The following NRDC variants were observed in gnomAD, a reference collection of about 807,000 sequenced individuals.
The protein encoded by NRDC is nardilysin.
In NRDC, 54 loss-of-function variants were observed where a neutral mutation model predicts 147.1. The ratio of observed to expected loss-of-function variants is 0.37; its 90% confidence interval spans 0.29 to 0.46. NRDC has a LOEUF of 0.46. Ranked by LOEUF, NRDC falls within the 20% of genes least tolerant of loss-of-function variation. The pLI, the probability that NRDC is intolerant of heterozygous loss-of-function variation, is 1.00. For synonymous variants in NRDC, 440 were observed against 482.1 expected (o/e 0.91, Z 1.14); for missense variants, 1,082 against 1,370.6 (o/e 0.79, Z 3.33).
chr1:51,846,071 G>A (rs926383712), intron 1 of NRDC, among the ~76,000 whole-genome samples: 1 of 151,664 alleles, frequency 6.6e-6, no homozygotes, highest in Non-Finnish European at 1.5e-5. Flanking sequence ...ATATATCTGG[G>A]GAAAGGAGAA....
chr1:51,806,598 G>A (rs1404627571), intron 18 of NRDC, among the ~76,000 whole-genome samples, 196 bp downstream of exon 18: 1 of 152,128 alleles, frequency 6.6e-6, no homozygotes, highest in Non-Finnish European at 1.5e-5. Flanking sequence ...CAGCAAAGTG[G>A]AGAAATATTT....
intron 1 of NRDC, among the ~76,000 whole-genome samples, chr1:51,860,951 C>CT (rs528761936): frequency 0.023 from 3,195 of 139,430 alleles, 76 homozygotes; most frequent in East Asian, 0.099. Context: ...GGTATTACTT[C>CT]TTTTTTTTTT....
intron 8 of NRDC, among the ~76,000 whole-genome samples, chr1:51,821,246 G>A (rs573390013): frequency 6.6e-6 from 1 of 151,932 alleles, no homozygotes; most frequent in African/African-American, 2.4e-5. Flanking sequence ...TGTAAAAGGA[G>A]GCATAAATTT....
intron 1 of NRDC, among the ~76,000 whole-genome samples, chr1:51,876,033 A>G (rs552880411): frequency 9.8e-5 from 15 of 152,342 alleles, no homozygotes; most frequent in African/African-American, 3.6e-4. Flanking sequence ...GTAGGACTTA[A>G]CAGGTATTTA....
chr1:51,802,079 G>A lies in NRDC; in HGVS notation c.2314-1396C>T, dbSNP rs116991175. 2.5e-3 allele frequency among the ~76,000 whole-genome samples: 380 copies of A among 152,218 alleles called. 7 individuals carry two copies. In the East Asian group the frequency reaches 0.058, roughly 23 times the overall value. On this transcript the variant is annotated intron_variant, in intron 20 of 30. Transcript: ENST00000352171. ...TGGGATTACAGGCGTGAGCCACCGC[G>A]CCAGGCTGAGGTTTTTATACTTAAT...
chr1:51,844,821 G>GGAAA (rs1681463918), intron 1 of NRDC, among the ~76,000 whole-genome samples: 1 of 814 alleles, frequency 1.2e-3, no homozygotes, highest in African/African-American at 2.9e-3. Context: ...GAGGAAAGAA[G>GGAAA]GAAGGAAGGA....
chr1:51,846,684 A>G (rs1288381365), intron 1 of NRDC, among the ~76,000 whole-genome samples: 1 of 152,244 alleles, frequency 6.6e-6, no homozygotes, highest in Non-Finnish European at 1.5e-5. Flanking sequence ...GAGAACCCAA[A>G]AAGTGAACAC....
At chr1:51,866,833 C>T (rs370499281) in intron 1 of NRDC, among the ~76,000 whole-genome samples, 6 of 151,652 alleles carry the variant, frequency 4.0e-5, no homozygotes, top group Admixed American at 1.3e-4. Context: ...AGAACTAGTA[C>T]GGTATATACA....
chr1:51,865,604 A>G (rs1247576403), intron 1 of NRDC, among the ~76,000 whole-genome samples: 1 of 152,156 alleles, frequency 6.6e-6, no homozygotes, highest in Non-Finnish European at 1.5e-5. Flanking sequence ...CGCCCAGCCT[A>G]AAAAGATTTT....
chr1:51,872,212 G>T (rs759523669), intron 1 of NRDC, among the ~76,000 whole-genome samples: 3 of 152,162 alleles, frequency 2.0e-5, no homozygotes, highest in Non-Finnish European at 4.4e-5. Flanking sequence ...GTTTTTTTGA[G>T]ACAGAGGCAG....
At chr1:51,819,951 G>A in intron 8 of NRDC, 78 bp from the exon 9 acceptor site, 2 of 1,066,960 alleles carry the variant, frequency 1.9e-6, no homozygotes, top group Non-Finnish European at 2.8e-6. Context: ...ATCTAACTGA[G>A]AGATATTTAT....
rs759608832 is a variant in NRDC at position 51,823,744 on chromosome 1, A to G, written c.1079T>C (p.Ile360Thr). ...TLKHEPRKNN[I>T]DTHARLREFW... ...TTCTCTCAATCTAGCATGTGTATCAATATTATTCTTTCTTGGCTCATGCTT... is the reference window on the plus strand; with the variant it reads ...TTCTCTCAATCTAGCATGTGTATCAGTATTATTCTTTCTTGGCTCATGCTT... Residue 360 changes from isoleucine to threonine, a missense_variant, in exon 7 of 31, where the codon ATT (isoleucine) becomes ACT (threonine). By Grantham distance (89) the Ile-to-Thr change is moderately conservative. Around this residue, in one of 3 missense-constraint regions of NRDC, gnomAD observed 635 missense variants for 923.8 expected, o/e 0.69. Coordinates refer to ENST00000352171, the MANE Select transcript of NRDC (RefSeq NM_001101662.2). 2.5e-6 allele frequency: 4 copies of G among 1,607,354 alleles called. No individual in the cohort carries two copies. The Admixed American group carries it at 5.0e-5, about 20-fold the overall frequency.
At chr1:51,826,427 ATT>A (rs1680449377) in intron 5 of NRDC, among the ~76,000 whole-genome samples, 1 of 152,216 alleles carries the variant, frequency 6.6e-6, no homozygotes, top group Admixed American at 6.5e-5. Flanking sequence ...TAGAGACCAT[ATT>A]TGGAAAGGAA....
chr1:51,835,451 G>GT (rs1241031411), intron 3 of NRDC, among the ~76,000 whole-genome samples: 7 of 144,772 alleles, frequency 4.8e-5, no homozygotes, highest in African/African-American at 7.7e-5. Flanking sequence ...GAATTTCTAG[G>GT]TTTTTTTTGT....
chr1:51,858,017 C>A (rs893737127), intron 1 of NRDC, among the ~76,000 whole-genome samples: 26 of 152,130 alleles, frequency 1.7e-4, no homozygotes, highest in Admixed American at 1.7e-3. Context: ...TAACTACTTA[C>A]AGAAATGGCA....
intron 18 of NRDC, 73 bp downstream of exon 18, chr1:51,806,721 T>A: frequency 6.9e-7 from 1 of 1,450,046 alleles, no homozygotes; most frequent in Admixed American, 2.0e-5. Context: ...AAGTAGATAA[T>A]CACATGTGAA....
intron 2 of NRDC, among the ~76,000 whole-genome samples, chr1:51,837,120 AGGAGAAAAAACG>A (rs1226533349): frequency 6.6e-6 from 1 of 152,192 alleles, no homozygotes; most frequent in Non-Finnish European, 1.5e-5. Context: ...AGACAAAAAA[AGGAGAAAAAACG>A]GTCAATTTGA....
intron 1 of NRDC, among the ~76,000 whole-genome samples, chr1:51,846,270 A>G: frequency 6.6e-6 from 1 of 151,908 alleles, no homozygotes; most frequent in Non-Finnish European, 1.5e-5. Context: ...GCACCACCGC[A>G]CCTGGTTAAT....
At chr1:51,834,302 C>G in intron 3 of NRDC, 132 bp from the exon 4 acceptor site, 1 of 875,840 alleles carries the variant, frequency 1.1e-6, no homozygotes, top group Non-Finnish European at 1.7e-6. Flanking sequence ...TGTCTGAATT[C>G]TTTTTTTTTT....
Sources: gnomAD v4.1 joint callset for allele counts (sites outside exome capture counted in the v4.1 genomes callset) on GRCh38, gnomAD v4.1.1 for gene constraint, gnomAD v4.1.1 regional missense constraint, MANE v1.5 for transcripts, NCBI Gene and HGNC (gene_info 2026-07-23, HGNC 2026-07-21) for gene names.